Variants in ERGIC2 observed in about 807,000 individuals in gnomAD.
ERGIC2 encodes ERGIC and golgi 2.
A neutral mutation model predicts 52.5 loss-of-function variants in ERGIC2; 31 were observed. The ratio of observed to expected loss-of-function variants is 0.59; its 90% CI spans 0.44 to 0.80. The LOEUF (loss-of-function observed/expected upper bound fraction) is 0.80, where lower values mean the gene tolerates loss of function less well. ERGIC2 is among the 30% of genes least tolerant of loss of function. ERGIC2 has a pLI of 0.00. For synonymous variants in ERGIC2, 129 were observed against 140.6 expected (o/e 0.92, Z 0.58); for missense variants, 395 against 455.2 (o/e 0.87, Z 1.20).
rs1182045008 is a variant in ERGIC2 at position 29,345,451 on chromosome 12, T to C, written c.817A>G (p.Thr273Ala). The C allele has an allele frequency of 6.4e-7, 1 of 1,567,736 alleles. No individual in the cohort carries two copies. The highest frequency in any genetic ancestry group is 1.4e-5 in the African/African-American group (1 of 73,794). The change falls in exon 11 of 14, where the codon ACA (threonine) becomes GCA (alanine). Residue 273 changes from threonine (T) to alanine (A), a missense_variant. Physicochemically the swap from Thr to Ala is moderately conservative, Grantham distance 58. Transcript: ENST00000360150. ...GGTTGGATTCAACTTACCCTTTCTG[T>C]CACAGAAAACTGATGGGTGTCTGCT... is the stretch of plus-strand genomic sequence containing the variant. ...ISADTHQFSV[T>A]ERERIINHAA...
chr12:29,353,987 T>C (rs1940169469), intron 8 of ERGIC2, among the ~76,000 whole-genome samples: 1 of 151,908 alleles, frequency 6.6e-6, no homozygotes, highest in South Asian at 2.1e-4. Context: ...GTTCTGAAAA[T>C]TGGTGGGGGG....
At chr12:29,371,773 T>A (rs1940444892) in intron 1 of ERGIC2, 103 bp from the exon 2 acceptor site, 1 of 575,890 alleles carries the variant, frequency 1.7e-6, no homozygotes. Flanking sequence ...CAACTTAACA[T>A]TCTCATCCCC....
intron 8 of ERGIC2, among the ~76,000 whole-genome samples, chr12:29,352,184 G>C (rs1484785511): frequency 6.6e-6 from 1 of 152,086 alleles, no homozygotes; most frequent in Non-Finnish European, 1.5e-5. Context: ...AGTAATGAGA[G>C]AGTCATATAT....
chr12:29,356,269 C>A, intron 8 of ERGIC2, 113 bp downstream of exon 8: 1 of 620,038 alleles, frequency 1.6e-6, no homozygotes, highest in Non-Finnish European at 2.9e-6. Context: ...GTGATCCACC[C>A]GCCTCAGCCT....
At chr12:29,368,067 C>A (rs1304282204) in intron 4 of ERGIC2, among the ~76,000 whole-genome samples, 174 bp downstream of exon 4, 1 of 151,650 alleles carries the variant, frequency 6.6e-6, no homozygotes, top group African/African-American at 2.4e-5. Flanking sequence ...GGAAAAGAAA[C>A]TTGAAGAATA....
In ERGIC2 at chr12:29,381,097, G is replaced by C. The variant is rs994337583; in HGVS notation, c.-38+18C>G. ...AACAACCGAGGGAACAGCACCCAGC[G>C]GTGTTTCAGTATTTTACCTTGTGTT... is the stretch of plus-strand genomic sequence containing the variant. On this transcript the variant is annotated intron_variant, in intron 1 of 13. Coordinates refer to ENST00000360150, the MANE Select transcript of ERGIC2 (RefSeq NM_016570.3). 1.3e-5 allele frequency: 2 copies of C among 152,188 alleles called. No homozygotes were observed. Among genetic ancestry groups the C allele is most frequent in the East Asian group, 1.9e-4 (1 of 5,190 alleles). 9.4% of individuals were successfully genotyped at this position (152,188 alleles called of 1,614,324 possible).
intron 6 of ERGIC2, among the ~76,000 whole-genome samples, chr12:29,358,663 G>A (rs1371841417): frequency 6.6e-6 from 1 of 152,018 alleles, no homozygotes; most frequent in Non-Finnish European, 1.5e-5. Context: ...CAATTTTGCT[G>A]TGAGCCTAAC....
intron 1 of ERGIC2, among the ~76,000 whole-genome samples, chr12:29,375,206 C>G (rs150618306): frequency 6.6e-6 from 1 of 152,182 alleles, no homozygotes; most frequent in Admixed American, 6.5e-5. Flanking sequence ...AAAAAACTTT[C>G]CATGGCCTTC....
chr12:29,373,889 T>C (rs1201388487), intron 1 of ERGIC2, among the ~76,000 whole-genome samples: 3 of 152,234 alleles, frequency 2.0e-5, no homozygotes, highest in Non-Finnish European at 2.9e-5. Flanking sequence ...GTATATGCCA[T>C]GCCCGCTAAA....
At chr12:29,376,698 A>G (rs1437004628) in intron 1 of ERGIC2, among the ~76,000 whole-genome samples, 1 of 152,118 alleles carries the variant, frequency 6.6e-6, no homozygotes, top group Non-Finnish European at 1.5e-5. Flanking sequence ...ATCCTACCAG[A>G]TACCCAATTT....
intron 6 of ERGIC2, among the ~76,000 whole-genome samples, chr12:29,361,021 C>T (rs1024954341): frequency 3.3e-5 from 5 of 152,056 alleles, no homozygotes; most frequent in South Asian, 2.1e-4. Context: ...CCAACATGGG[C>T]GGATCACTTC....
intron 6 of ERGIC2, among the ~76,000 whole-genome samples, chr12:29,360,631 T>C (rs969614881): frequency 6.8e-6 from 1 of 147,996 alleles, no homozygotes; most frequent in South Asian, 2.1e-4. Context: ...ATAGATTATA[T>C]GTAAGAATTA....
chr12:29,343,345 C>T (rs1047344688), intron 11 of ERGIC2, 63 bp from the exon 12 acceptor site: 4 of 1,354,574 alleles, frequency 3.0e-6, no homozygotes, highest in Admixed American at 4.2e-5. Context: ...TTCATGTCAT[C>T]TGGTTACTTA....
chr12:29,377,401 T>C (rs1351110756), intron 1 of ERGIC2, among the ~76,000 whole-genome samples: 2 of 152,196 alleles, frequency 1.3e-5, no homozygotes, highest in Non-Finnish European at 2.9e-5. Context: ...TAAAATGGTG[T>C]AGTTTTTGCA....
Position 29,371,519 on chromosome 12 carries a change from G to T in ERGIC2, c.106+9C>A. The T allele has an allele frequency of 6.4e-7, 1 of 1,565,950 alleles. No individual in the cohort carries two copies. Among genetic ancestry groups the T allele is most frequent in the Non-Finnish European group, 8.7e-7 (1 of 1,149,874 alleles). ...TACTACAGAACTTTTAATGTTAACT[G>T]ATACTCACCTGTACCTCCACTGGCT... On this transcript the variant is annotated intron_variant, in intron 2 of 13. Transcript: ENST00000360150.
At chr12:29,375,952 A>G (rs1940509118) in intron 1 of ERGIC2, among the ~76,000 whole-genome samples, 1 of 152,206 alleles carries the variant, frequency 6.6e-6, no homozygotes, top group African/African-American at 2.4e-5. Flanking sequence ...AAGGTATCCA[A>G]TAACTTCTAG....
In ERGIC2 at chr12:29,365,414, A is replaced by C. The variant is rs367544328; in HGVS notation, c.333+1463T>G. On this transcript the variant is annotated intron_variant, in intron 5 of 13. Transcript: ENST00000360150. ...AGTGGGAGCTAAACGCTGGGTACTC[A>C]TAGACATAAAAATGGCAACAACAGA... 2.4e-4 allele frequency among the ~76,000 whole-genome samples: 37 copies of C among 152,188 alleles called. No individual in the cohort carries two copies. In the East Asian group the frequency reaches 2.9e-3, roughly 12 times the overall value.
At chr12:29,341,240 A>C (rs1949837869) in intron 13 of ERGIC2, 22 bp from the exon 14 acceptor site, 1 of 1,579,082 alleles carries the variant, frequency 6.3e-7, no homozygotes, top group Non-Finnish European at 8.7e-7. Context: ...AGGAGGGAAA[A>C]AAAGACCAAA....
At chr12:29,371,766 C>CT (rs1283644110) in intron 1 of ERGIC2, 96 bp from the exon 2 acceptor site, 3 of 589,880 alleles carry the variant, frequency 5.1e-6, no homozygotes, top group Non-Finnish European at 8.8e-6. Context: ...CTTAAAACAA[C>CT]TTAACATTCT....
Sources: gnomAD v4.1 joint callset for allele counts (sites outside exome capture counted in the v4.1 genomes callset) on GRCh38, gnomAD v4.1.1 for gene constraint, MANE v1.5 for transcripts, NCBI Gene and HGNC (gene_info 2026-07-23, HGNC 2026-07-21) for gene names.